Variants in HECW2 observed in about 807,000 individuals in gnomAD.
The protein encoded by HECW2 is HECT, C2 and WW domain containing E3 ubiquitin protein ligase 2.
HECW2 carries 61 observed loss-of-function variants against 175.2 expected under a neutral mutation model. The ratio of observed to expected loss-of-function variants is 0.35; its 90% confidence interval spans 0.28 to 0.43. HECW2 has a LOEUF of 0.43. Ranked by LOEUF, HECW2 falls within the 20% of genes least tolerant of loss-of-function variation. The pLI, the probability that HECW2 is intolerant of heterozygous loss-of-function variation, is 1.00. For missense variants in HECW2, 1,524 were observed against 2,000.5 expected (o/e 0.76, Z 4.54); for synonymous variants, 671 against 731.0 (o/e 0.92, Z 1.32).
intron 1 of HECW2, among the ~76,000 whole-genome samples, chr2:196,564,879 A>G (rs1351421102): frequency 6.6e-6 from 1 of 152,102 alleles, no homozygotes; most frequent in African/African-American, 2.4e-5. Flanking sequence ...AGCATATCAA[A>G]TAAAAGCCTA....
chr2:196,214,182 AG>A (rs1482016175), intron 28 of HECW2, among the ~76,000 whole-genome samples: 4 of 152,336 alleles, frequency 2.6e-5, no homozygotes, highest in African/African-American at 9.6e-5. Context: ...GAGGCTCAGA[AG>A]GATCATGCAA....
intron 28 of HECW2, among the ~76,000 whole-genome samples, chr2:196,202,707 A>G (rs1425226761): frequency 6.6e-6 from 1 of 152,230 alleles, no homozygotes; most frequent in Non-Finnish European, 1.5e-5. Context: ...TAAAGGGATA[A>G]TAAAGCAGGT....
rs1436642407 is a variant in HECW2, at chr2:196,217,029, T to C, written c.4473A>G (p.Glu1491=). ...FWAAVERFNN[E]QRLRLLQFVT... The stretch of plus-strand genomic sequence containing the variant: ...TCACCTGTAACAACCTTAGTCGTTG[T>C]TCATTGTTGAATCTTTCCACTGCAG... The change falls in exon 27 of 29, where the codon GAA becomes GAG. Residue 1491 remains glutamate (E), a synonymous_variant. Coordinates refer to ENST00000644978, the MANE Select transcript of HECW2 (RefSeq NM_001348768.2). 1.3e-6 allele frequency: 2 copies of C among 1,539,198 alleles called. No homozygotes were observed. The highest frequency in any genetic ancestry group is 2.3e-5 in the Admixed American group (1 of 42,736).
intron 1 of HECW2, among the ~76,000 whole-genome samples, chr2:196,550,531 A>T (rs1432622715): frequency 3.9e-5 from 6 of 152,236 alleles, no homozygotes; most frequent in Non-Finnish European, 5.9e-5. Context: ...AAATGTTATT[A>T]GGAATAAAGT....
chr2:196,306,394 T>C, intron 13 of HECW2, 94 bp downstream of exon 13: 1 of 1,261,700 alleles, frequency 7.9e-7, no homozygotes, highest in Non-Finnish European at 1.1e-6. Context: ...TCTGGAAACA[T>C]TCGCCATTAT....
intron 1 of HECW2, among the ~76,000 whole-genome samples, chr2:196,442,570 A>G (rs758664511): frequency 6.6e-6 from 1 of 152,216 alleles, no homozygotes; most frequent in Non-Finnish European, 1.5e-5. Flanking sequence ...AACAATGGAA[A>G]AGTGTTTACA....
intron 15 of HECW2, among the ~76,000 whole-genome samples, chr2:196,278,133 A>AAAAAAAAAAAAAAAATATATAT (rs531920307): frequency 3.0e-5 from 2 of 66,552 alleles, no homozygotes; most frequent in African/African-American, 8.2e-5. Context: ...ATAATTAAAA[A>AAAAAAAAAAAAAAAATATATAT]ATATATATAT....
intron 2 of HECW2, among the ~76,000 whole-genome samples, chr2:196,375,033 G>A (rs537789121): frequency 4.0e-5 from 6 of 151,580 alleles, no homozygotes; most frequent in East Asian, 3.9e-4. Flanking sequence ...GTGGTGGTGC[G>A]CACCTGTAAT....
chr2:196,390,455 G>C (rs551329599), intron 2 of HECW2, among the ~76,000 whole-genome samples: 2 of 152,174 alleles, frequency 1.3e-5, no homozygotes, highest in South Asian at 2.1e-4. Context: ...GCAGACACTT[G>C]GTCACCTCTG....
intron 2 of HECW2, among the ~76,000 whole-genome samples, chr2:196,366,458 C>T (rs1693747741): frequency 6.6e-6 from 1 of 152,136 alleles, no homozygotes; most frequent in Non-Finnish European, 1.5e-5. Context: ...AAATGACCCT[C>T]AGTTATCTAT....
chr2:196,325,233 G>A lies in HECW2; in HGVS notation c.572-84C>T, dbSNP rs532034563. On this transcript the variant is annotated intron_variant, in intron 5 of 28. Coordinates refer to ENST00000644978, the MANE Select transcript of HECW2 (RefSeq NM_001348768.2). ...AAGAAAGGAGGAAGGGAGAGAACAA[G>A]GGACAGAAGAAGGAAGGATTCATAT... 9.9e-6 allele frequency: 10 copies of A among 1,012,206 alleles called. No homozygotes were observed. The African/African-American group carries it at 1.5e-4, about 15-fold the overall frequency. 62.7% of individuals were successfully genotyped at this position (1,012,206 alleles called of 1,614,324 possible).
At chr2:196,517,304 A>T (rs965146394) in intron 1 of HECW2, among the ~76,000 whole-genome samples, 22 of 152,318 alleles carry the variant, frequency 1.4e-4, no homozygotes, top group African/African-American at 4.6e-4. Flanking sequence ...ATAACTAACC[A>T]CATTCTAAGG....
rs192959938 is a variant in HECW2 at position 196,319,030 on chromosome 2, G to C, written c.1860C>G (p.Ala620=). ...VSSETEPSDP[A]RTESVSEAST... is the part of the protein sequence containing the mutation. ...TGGCTTCGCTCACACTCTCTGTCCT[G>C]GCAGGATCACTGGGTTCTGTTTCAG... The change falls in exon 9 of 29, where the codon GCC becomes GCG. Residue 620 remains alanine, a synonymous_variant. Transcript: ENST00000644978. The C allele has an allele frequency of 1.8e-5, 29 of 1,613,868 alleles. No homozygotes were observed. In the East Asian group the frequency reaches 6.2e-4, roughly 35 times the overall value.
chr2:196,464,550 A>C (rs1344834758), intron 1 of HECW2, among the ~76,000 whole-genome samples: 1 of 152,176 alleles, frequency 6.6e-6, no homozygotes, highest in African/African-American at 2.4e-5. Flanking sequence ...GGAAAACCTA[A>C]AGTATAACTC....
intron 15 of HECW2, among the ~76,000 whole-genome samples, chr2:196,278,133 A>AAAAAAAAAAAAT: frequency 1.5e-5 from 1 of 66,568 alleles, no homozygotes; most frequent in South Asian, 6.5e-4. Flanking sequence ...ATAATTAAAA[A>AAAAAAAAAAAAT]ATATATATAT....
chr2:196,573,418 G>A (rs578195033), intron 1 of HECW2, among the ~76,000 whole-genome samples: 5 of 151,922 alleles, frequency 3.3e-5, no homozygotes, highest in African/African-American at 1.2e-4. Context: ...TCTCTCCCCA[G>A]CATCACAGGA....
At chr2:196,417,503 C>T (rs1695286690) in intron 2 of HECW2, among the ~76,000 whole-genome samples, 1 of 152,232 alleles carries the variant, frequency 6.6e-6, no homozygotes, top group African/African-American at 2.4e-5. Context: ...TGGACTCAAA[C>T]TTCTGGGCTC....
chr2:196,307,617 T>C (rs1691317894), intron 11 of HECW2, among the ~76,000 whole-genome samples: 1 of 152,200 alleles, frequency 6.6e-6, no homozygotes, highest in Non-Finnish European at 1.5e-5. Context: ...TTCTAGAGAC[T>C]AGAAAAGATG....
intron 3 of HECW2, among the ~76,000 whole-genome samples, chr2:196,339,215 G>A (rs1032247468): frequency 6.6e-6 from 1 of 152,050 alleles, no homozygotes; most frequent in African/African-American, 2.4e-5. Flanking sequence ...AAAAGGCTCT[G>A]ATAGTAAAAA....
Sources: allele counts gnomAD v4.1 joint callset (sites outside exome capture counted in the v4.1 genomes callset), GRCh38; gene constraint gnomAD v4.1.1; transcripts MANE v1.5; gene names NCBI Gene and HGNC (gene_info 2026-07-23, HGNC 2026-07-21).